The following CKAP2L variants were observed in gnomAD, a reference collection of about 807,000 sequenced individuals.
The protein encoded by CKAP2L is cytoskeleton associated protein 2L, also known as cytoskeleton-associated protein 2-like.
CKAP2L carries 42 observed loss-of-function variants against 65.7 expected under a neutral mutation model. The ratio of observed to expected loss-of-function variants is 0.64; its 90% CI spans 0.50 to 0.83. The LOEUF (loss-of-function observed/expected upper bound fraction) is 0.83. CKAP2L is among the 40% of genes least tolerant of loss of function. The pLI, the probability that CKAP2L is intolerant of heterozygous loss-of-function variation, is 0.00. For missense variants in CKAP2L, 908 were observed against 871.0 expected (o/e 1.04, Z -0.53); for synonymous variants, 325 against 313.5 (o/e 1.04, Z -0.39).
chr2:112,764,524 CAACGCCTGAG>C lies in CKAP2L; in HGVS notation c.37+28_37+37del, dbSNP rs772607476. Reference sequence around the variant, plus strand: ...GCCTCCTACTTCCCCGGCCGTGTTCCAACGCCTGAGAATAACGGGAACAGCGGTCGTACTC... The same window carrying C: ...GCCTCCTACTTCCCCGGCCGTGTTCCAATAACGGGAACAGCGGTCGTACTC... On this transcript the variant is annotated intron_variant, in intron 1 of 8. Coordinates refer to ENST00000302450, the MANE Select transcript of CKAP2L (RefSeq NM_152515.5). The C allele has an allele frequency of 4.3e-6, 7 of 1,612,826 alleles. No homozygotes were observed. In the Admixed American group the frequency reaches 1.2e-4, roughly 27 times the overall value.
chr2:112,762,477 G>GCTTA, intron 2 of CKAP2L, 26 bp downstream of exon 2: 2 of 1,596,784 alleles, frequency 1.3e-6, no homozygotes, highest in Non-Finnish European at 1.7e-6. Flanking sequence ...AACAAAACTT[G>GCTTA]CGTAACTGTG....
intron 2 of CKAP2L, 95 bp downstream of exon 2, chr2:112,762,408 G>C (rs375628361): frequency 1.1e-5 from 10 of 902,256 alleles, no homozygotes; most frequent in African/African-American, 8.1e-5. Context: ...AGTCTGAGTA[G>C]ACTCTAAGCA....
At chr2:112,754,440 T>C (rs1242122095) in intron 4 of CKAP2L, among the ~76,000 whole-genome samples, 2 of 152,228 alleles carry the variant, frequency 1.3e-5, no homozygotes, top group Non-Finnish European at 2.9e-5. Context: ...TCCATGTTCC[T>C]AGCATTTTCC....
Position 112,762,377 on chromosome 2 carries a change from G to A in CKAP2L, c.104+126C>T, listed in dbSNP as rs60561321. 3.7e-3 allele frequency: 2,639 copies of A among 709,110 alleles called. 54 individuals are homozygous for A. In the African/African-American group the frequency reaches 0.042, roughly 11 times the overall value. The allele number at this position is 709,110 out of a possible 1,614,324, so 43.9% of individuals were successfully genotyped here. On this transcript the variant is annotated intron_variant, in intron 2 of 8. Transcript: ENST00000302450. ...GCCTGGACTGAAATGCTCTTTTTGC[G>A]TTATCATAGAATCCCAGTGCAGTCT...
Position 112,760,666 on chromosome 2 carries a change from A to C in CKAP2L, c.156+47T>G, listed in dbSNP as rs751621884. The C allele has an allele frequency of 5.5e-5, 50 of 903,362 alleles. No homozygotes were observed. The Middle Eastern group carries it at 1.3e-3, about 24-fold the overall frequency. The allele number at this position is 903,362 out of a possible 1,614,324, so 56.0% of individuals were successfully genotyped here. A position where few individuals can be genotyped will look rare whatever the true frequency, so the allele number is the denominator to read the frequency against. The stretch of plus-strand genomic sequence containing the variant: ...AACATCTTTATTATTTTTATTACTA[A>C]TCATACTTATGAATGCATATTTTTA... On this transcript the variant is annotated intron_variant, in intron 3 of 8. Coordinates refer to ENST00000302450, the MANE Select transcript of CKAP2L (RefSeq NM_152515.5).
rs1318184996 is a variant in CKAP2L, at chr2:112,736,415, T to C, written c.*2408A>G. Among the ~76,000 whole-genome samples, 3 of 152,190 alleles carry C rather than the reference T, an allele frequency of 2.0e-5. No homozygotes were observed. Among genetic ancestry groups the C allele is most frequent in the South Asian group, 2.1e-4 (1 of 4,832 alleles). On this transcript the variant is annotated 3_prime_UTR_variant, in exon 9 of 9. Transcript: ENST00000302450. ...ACAACATGATGTTATGGGATACATA[T>C]AGATAATAAAATGGCTGCTATAGTG...
intron 2 of CKAP2L, among the ~76,000 whole-genome samples, chr2:112,761,291 G>A (rs13382217): frequency 6.6e-6 from 1 of 151,304 alleles, no homozygotes; most frequent in Non-Finnish European, 1.5e-5. Flanking sequence ...AAACCCCATC[G>A]CTACTAAAAA....
At chr2:112,744,234 A>G (rs1386567561) in intron 6 of CKAP2L, among the ~76,000 whole-genome samples, 2 of 152,240 alleles carry the variant, frequency 1.3e-5, no homozygotes, top group Non-Finnish European at 2.9e-5. Context: ...GGGATTAAGA[A>G]GAGGCAATAA....
chr2:112,752,376 A>C lies in CKAP2L; in HGVS notation c.1493T>G (p.Ile498Ser). ...TKRKVIKEMN[I>S]SFWKSIEKEE... ...TTTTTCAATGCTCTTCCAGAATGAAATATTCATTTCCTTTATTACTTTTCT... is the reference window on the plus strand; with the variant it reads ...TTTTTCAATGCTCTTCCAGAATGAACTATTCATTTCCTTTATTACTTTTCT... Residue 498 changes from isoleucine to serine, a missense_variant, in exon 5 of 9, where the codon ATT becomes AGT. Transcript: ENST00000302450. The C allele has an allele frequency of 6.2e-7, 1 of 1,612,466 alleles. No homozygotes were observed.
intron 6 of CKAP2L, among the ~76,000 whole-genome samples, chr2:112,744,312 T>C (rs1410743723): frequency 2.0e-5 from 3 of 151,988 alleles, no homozygotes; most frequent in Non-Finnish European, 2.9e-5. Context: ...GGAAGAGAGG[T>C]AAACAATTTG....
At chr2:112,753,067 T>C (rs937641421) in intron 4 of CKAP2L, among the ~76,000 whole-genome samples, 1 of 152,204 alleles carries the variant, frequency 6.6e-6, no homozygotes, top group African/African-American at 2.4e-5. Context: ...TAACAGGTGA[T>C]AGACTGCTTT....
At chr2:112,755,700 ACTT>A (rs1680510691) in intron 4 of CKAP2L, among the ~76,000 whole-genome samples, 1 of 151,388 alleles carries the variant, frequency 6.6e-6, no homozygotes, top group Non-Finnish European at 1.5e-5. Flanking sequence ...TGCACCCCCT[ACTT>A]CTTACTCATC....
intron 3 of CKAP2L, 37 bp downstream of exon 3, chr2:112,760,676 T>C (rs748445527): frequency 1.0e-5 from 10 of 995,292 alleles, no homozygotes; most frequent in Non-Finnish European, 1.5e-5. Flanking sequence ...ATCATACTTA[T>C]GAATGCATAT....
intron 5 of CKAP2L, among the ~76,000 whole-genome samples, chr2:112,749,866 T>C (rs910036749): frequency 6.6e-6 from 1 of 152,190 alleles, no homozygotes; most frequent in African/African-American, 2.4e-5. Flanking sequence ...AGAGGGAGGC[T>C]GCAGGGATGG....
At chr2:112,741,607 T>C (rs1679970915) in intron 7 of CKAP2L, among the ~76,000 whole-genome samples, 2 of 152,230 alleles carry the variant, frequency 1.3e-5, no homozygotes. Flanking sequence ...GATTCCTGTC[T>C]TCTCTTTTTA....
At position 112,754,253 on chromosome 2, in the gene CKAP2L, G is replaced by T. The variant is rs72952124; in HGVS notation, c.1394+1724C>A. ...TCCGTTTTTTGTCTTTATAGTTTTG[G>T]TTTTTCCAGAATGCCAATAACTAAG... is the stretch of plus-strand genomic sequence containing the variant. On this transcript the variant is annotated intron_variant, in intron 4 of 8. Coordinates refer to ENST00000302450, the MANE Select transcript of CKAP2L (RefSeq NM_152515.5). 7.8e-3 allele frequency among the ~76,000 whole-genome samples: 1,183 copies of T among 152,152 alleles called. 16 individuals carry two copies. The highest frequency in any genetic ancestry group is 0.027 in the African/African-American group (1,128 of 41,492).
At chr2:112,741,847 A>G (rs945127019) in intron 7 of CKAP2L, among the ~76,000 whole-genome samples, 4 of 147,380 alleles carry the variant, frequency 2.7e-5, no homozygotes, top group African/African-American at 1.0e-4. Context: ...TCCAAATTCC[A>G]CTTTCTGGGT....
chr2:112,764,343 G>T (rs1680831104), intron 1 of CKAP2L, among the ~76,000 whole-genome samples: 1 of 152,208 alleles, frequency 6.6e-6, no homozygotes, highest in Non-Finnish European at 1.5e-5. Flanking sequence ...CTGGAAATAC[G>T]CCCGTGAGGT....
intron 7 of CKAP2L, among the ~76,000 whole-genome samples, chr2:112,742,198 A>C (rs1680018998): frequency 6.6e-6 from 1 of 152,228 alleles, no homozygotes; most frequent in African/African-American, 2.4e-5. Context: ...TATAACAAGT[A>C]TCGTAAGCAA....
Sources: allele counts gnomAD v4.1 joint callset (sites outside exome capture counted in the v4.1 genomes callset), GRCh38; gene constraint gnomAD v4.1.1; transcripts MANE v1.5; gene names NCBI Gene and HGNC (gene_info 2026-07-23, HGNC 2026-07-21).